GLI3: variants seen among roughly 807,000 people sequenced by gnomAD.
GLI3 encodes the protein GLI family zinc finger 3, also known as transcription activator GLI3.
GLI3 carries 20 observed loss-of-function variants against 100.8 expected under a neutral mutation model. That is an observed-to-expected ratio of 0.20 (90% CI 0.14 to 0.29). The LOEUF (loss-of-function observed/expected upper bound fraction) is 0.29. Among genes scored for constraint, GLI3 ranks in the 10% least tolerant of loss-of-function variants. GLI3 has a pLI of 1.00. For missense variants in GLI3, 2,040 were observed against 2,128.5 expected (o/e 0.96, Z 0.82); for synonymous variants, 938 against 860.5 (o/e 1.09, Z -1.58).
intron 2 of GLI3, among the ~76,000 whole-genome samples, chr7:42,154,046 A>G (rs1290197916): frequency 6.6e-6 from 1 of 151,970 alleles, no homozygotes; most frequent in Non-Finnish European, 1.5e-5. Context: ...TTTTGGAATG[A>G]TACCTGGATA....
chr7:42,083,945 T>G (rs1409839389), intron 3 of GLI3, among the ~76,000 whole-genome samples: 1 of 152,204 alleles, frequency 6.6e-6, no homozygotes, highest in East Asian at 1.9e-4. Context: ...ACCTTATAAA[T>G]TAAGTAAAAC....
chr7:42,224,013 C>T (rs1280863287), intron 1 of GLI3, among the ~76,000 whole-genome samples: 1 of 152,234 alleles, frequency 6.6e-6, no homozygotes, highest in Non-Finnish European at 1.5e-5. Context: ...TTAGCAAAGA[C>T]TGGGCTCACT....
At chr7:42,231,111 G>C (rs1015239952) in intron 1 of GLI3, among the ~76,000 whole-genome samples, 2 of 152,170 alleles carry the variant, frequency 1.3e-5, no homozygotes, top group Non-Finnish European at 2.9e-5. Context: ...AATCATGTGT[G>C]TCTTTACAGT....
intron 3 of GLI3, among the ~76,000 whole-genome samples, chr7:42,119,390 C>G (rs1025184745): frequency 6.6e-6 from 1 of 152,138 alleles, no homozygotes; most frequent in Non-Finnish European, 1.5e-5. Context: ...CTTGCCAGCA[C>G]CCTTGATTGT....
At chr7:42,137,285 T>G (rs2128780541) in intron 3 of GLI3, among the ~76,000 whole-genome samples, 1 of 152,270 alleles carries the variant, frequency 6.6e-6, no homozygotes, top group Non-Finnish European at 1.5e-5. Context: ...ATTCCATGCC[T>G]TCACAAACGT....
chr7:42,003,650 A>C (rs534329533), intron 10 of GLI3, among the ~76,000 whole-genome samples: 1 of 152,220 alleles, frequency 6.6e-6, no homozygotes, highest in Non-Finnish European at 1.5e-5. Flanking sequence ...ATTCATTCAA[A>C]TATGACCCAA....
At chr7:42,057,785 C>G (rs1784492965) in intron 4 of GLI3, among the ~76,000 whole-genome samples, 1 of 152,108 alleles carries the variant, frequency 6.6e-6, no homozygotes, top group African/African-American at 2.4e-5. Flanking sequence ...AATGGAAAAC[C>G]AAATACCATA....
At chr7:42,132,399 C>T (rs1022972055) in intron 3 of GLI3, among the ~76,000 whole-genome samples, 2 of 152,104 alleles carry the variant, frequency 1.3e-5, no homozygotes, top group African/African-American at 2.4e-5. Context: ...CGCGCCCGGC[C>T]GGCTTCATGA....
At position 42,131,043 on chromosome 7, in the gene GLI3, C is replaced by A. The variant is rs559595429; in HGVS notation, c.367+17183G>T. ...CTACACCATCAGGAAAGAGCAAGGG[C>A]AGAATAAAGAGAATTTCACAGACAC... is the stretch of plus-strand genomic sequence containing the variant. On this transcript the variant is annotated intron_variant, in intron 3 of 14. Coordinates refer to ENST00000395925, the MANE Select transcript of GLI3 (RefSeq NM_000168.6). Among the ~76,000 whole-genome samples, 7 of 152,166 alleles carry A rather than the reference C, an allele frequency of 4.6e-5. No individual in the cohort carries two copies. In the East Asian group the frequency reaches 1.4e-3, roughly 29 times the overall value.
At chr7:42,164,230 GAATCTAAAGA>G (rs1787192686) in intron 2 of GLI3, among the ~76,000 whole-genome samples, 1 of 152,182 alleles carries the variant, frequency 6.6e-6, no homozygotes, top group Non-Finnish European at 1.5e-5. Flanking sequence ...TCTGTTTAAA[GAATCTAAAGA>G]CCAGACATGG....
Position 41,965,701 on chromosome 7 carries a change from G to T in GLI3, c.3372C>A (p.His1124Gln), listed in dbSNP as rs542238121. ...CGGGCGCGTCAAAGTCACCGGGCCC[G>T]TGGGGCACTTTGCTGTCGTCCGGGA... is the stretch of plus-strand genomic sequence containing the variant. Reference protein sequence around the residue: ...SALPDDSKVPHGPGDFDAPGL... With the variant: ...SALPDDSKVPQGPGDFDAPGL... The change falls in exon 15 of 15, where the codon CAC (histidine) becomes CAA (glutamine). Residue 1124 changes from histidine (H) to glutamine (Q), a missense_variant. Physicochemically the swap from His to Gln is conservative, Grantham distance 24. Around this residue, in one of 5 missense-constraint regions of GLI3, gnomAD observed 1,041 missense variants for 924.0 expected, o/e 1.13. Transcript: ENST00000395925. 3.7e-6 allele frequency: 6 copies of T among 1,613,740 alleles called. No individual in the cohort carries two copies. The South Asian group carries it at 6.6e-5, about 18-fold the overall frequency.
In GLI3 at chr7:41,966,178, C is replaced by T; in HGVS notation, c.2895G>A (p.Glu965=). The T allele has an allele frequency of 6.2e-7, 1 of 1,602,894 alleles. No individual in the cohort carries two copies. The highest frequency in any genetic ancestry group is 1.1e-5 in the South Asian group (1 of 90,228). The change falls in exon 15 of 15, where the codon GAG becomes GAA. Residue 965 remains glutamate (E), a synonymous_variant. Transcript: ENST00000395925. The surrounding 1 kb of genome is among the most constrained non-coding windows in gnomAD (Gnocchi z 5.8). ...TRLALLGDAL[E]PGVALPPVHA... ...GAACTGGAGGCAGGGCCACGCCAGG[C>T]TCGAGGGCATCCCCGAGCAGCGCCA...
chr7:42,242,342 C>T (rs1055777904), upstream of GLI3, among the ~76,000 whole-genome samples: 1 of 152,218 alleles, frequency 6.6e-6, no homozygotes, highest in African/African-American at 2.4e-5. Context: ...GTTTACATAA[C>T]TTGCCTCACT....
chr7:42,105,621 CAGGAAA>C (rs1785556456), intron 3 of GLI3, among the ~76,000 whole-genome samples: 1 of 152,128 alleles, frequency 6.6e-6, no homozygotes, highest in South Asian at 2.1e-4. Context: ...AAAATCTTTT[CAGGAAA>C]TGTACATCTG....
chr7:42,030,595 T>C (rs1392610604), intron 7 of GLI3, among the ~76,000 whole-genome samples: 1 of 152,072 alleles, frequency 6.6e-6, no homozygotes, highest in Non-Finnish European at 1.5e-5. Context: ...AAACAGAAGG[T>C]AAATTCTATT....
intron 3 of GLI3, among the ~76,000 whole-genome samples, chr7:42,135,751 ATGC>A (rs1786413515): frequency 6.6e-6 from 1 of 152,090 alleles, no homozygotes; most frequent in Non-Finnish European, 1.5e-5. Context: ...CCTCTTCATC[ATGC>A]TTAAGATTCT....
chr7:41,969,255 C>T (rs902774306), intron 13 of GLI3, among the ~76,000 whole-genome samples: 3 of 152,152 alleles, frequency 2.0e-5, no homozygotes, highest in Non-Finnish European at 4.4e-5. Context: ...TACTTCCATG[C>T]GTCTGCAGCG....
chr7:41,964,079 TTTA>T lies in GLI3; in HGVS notation c.*248_*250del. 2.4e-5 allele frequency: 7 copies of T among 296,022 alleles called. No homozygotes were observed. Among genetic ancestry groups the T allele is most frequent in the South Asian group, 5.8e-5 (1 of 17,136 alleles). The allele number at this position is 296,022 out of a possible 1,614,324, so 18.3% of individuals were successfully genotyped here. On this transcript the variant is annotated 3_prime_UTR_variant, in exon 15 of 15. Coordinates refer to ENST00000395925, the MANE Select transcript of GLI3 (RefSeq NM_000168.6). ...GGGGCTTACAGTTTTTTTTTTTTTT[TTTA>T]AAAAGAGGGTGGTTTGAGTGTAACA...
intron 3 of GLI3, among the ~76,000 whole-genome samples, chr7:42,120,596 T>C (rs978670692): frequency 2.0e-4 from 31 of 152,242 alleles, no homozygotes; most frequent in African/African-American, 7.5e-4. Context: ...CTCTCCTTGA[T>C]GTCTTGTAGA....
Sources: allele counts gnomAD v4.1 joint callset (sites outside exome capture counted in the v4.1 genomes callset), GRCh38; gene constraint gnomAD v4.1.1; regional missense constraint gnomAD v4.1.1; non-coding constraint Gnocchi (gnomAD v3.1); transcripts MANE v1.5; gene names NCBI Gene and HGNC (gene_info 2026-07-23, HGNC 2026-07-21).